Variants in CNBD1 observed in about 807,000 individuals in gnomAD.
The protein encoded by CNBD1 is cyclic nucleotide binding domain containing 1.
In CNBD1, 71 loss-of-function variants were observed where a neutral mutation model predicts 54.4. The observed-to-expected ratio is 1.30, with a 90% CI of 1.08 to 1.59. The LOEUF (loss-of-function observed/expected upper bound fraction) is 1.59. Among genes scored for constraint, CNBD1 ranks in the 40% most tolerant of loss-of-function variants. The pLI is 0.00. For missense variants in CNBD1, 659 were observed against 518.0 expected, an observed-to-expected ratio of 1.27 and a Z score of -2.64; for synonymous variants, 182 against 170.7, an observed-to-expected ratio of 1.07 and a Z score of -0.51.
intron 8 of CNBD1, among the ~76,000 whole-genome samples, chr8:87,338,221 G>A (rs1166423069): frequency 6.6e-6 from 1 of 151,968 alleles, no homozygotes; most frequent in Non-Finnish European, 1.5e-5. Context: ...TTATATCATT[G>A]CCATAATGAA....
chr8:87,231,890 A>G (rs1285521161), intron 5 of CNBD1, among the ~76,000 whole-genome samples: 1 of 150,076 alleles, frequency 6.7e-6, no homozygotes, highest in East Asian at 1.9e-4. Context: ...CTATCACCCT[A>G]AAAGTTCTCT....
At chr8:86,880,179 A>C (rs909559767) in intron 1 of CNBD1, among the ~76,000 whole-genome samples, 13 of 151,888 alleles carry the variant, frequency 8.6e-5, no homozygotes, top group Admixed American at 6.6e-5. Context: ...CATGTGAATA[A>C]TACTACTTCA....
At chr8:86,956,426 T>C (rs1807771387) in intron 4 of CNBD1, among the ~76,000 whole-genome samples, 1 of 152,204 alleles carries the variant, frequency 6.6e-6, no homozygotes, top group Non-Finnish European at 1.5e-5. Context: ...TTGGGCAGTA[T>C]GACCATTTTC....
Position 87,312,928 on chromosome 8 carries a change from G to A in CNBD1, c.1042+26257G>A, listed in dbSNP as rs370788033. ...TTGTATTTGCTCCCAGAAAAGTTGG[G>A]CATTTACATGCAGTTAGTATTCAAC... On this transcript the variant is annotated intron_variant, in intron 8 of 10. Transcript: ENST00000518476. Among the ~76,000 whole-genome samples the A allele has an allele frequency of 1.4e-4, 22 of 152,034 alleles. No homozygotes were observed. In the East Asian group the frequency reaches 1.9e-3, roughly 13 times the overall value.
chr8:87,375,411 A>T (rs767362033), intron 10 of CNBD1, among the ~76,000 whole-genome samples: 1 of 151,894 alleles, frequency 6.6e-6, no homozygotes, highest in Non-Finnish European at 1.5e-5. Context: ...TTTGTAAACT[A>T]TGTTAGATAA....
chr8:87,402,854 C>G (rs1208663059), intron 2 of CNBD1, among the ~76,000 whole-genome samples: 1 of 151,992 alleles, frequency 6.6e-6, no homozygotes, highest in South Asian at 2.1e-4. Context: ...CTAATGGAGA[C>G]TATTGCAATA....
At chr8:87,080,414 T>C (rs977002617) in intron 4 of CNBD1, among the ~76,000 whole-genome samples, 1 of 152,088 alleles carries the variant, frequency 6.6e-6, no homozygotes, top group African/African-American at 2.4e-5. Flanking sequence ...AAACCCCGTC[T>C]CTACTAATAA....
chr8:87,388,173 C>T (rs527408609), intron 2 of CNBD1, among the ~76,000 whole-genome samples: 223 of 152,126 alleles, frequency 1.5e-3, no homozygotes, highest in African/African-American at 4.9e-3. Context: ...AATTGACACC[C>T]TAACATCACA....
chr8:87,173,154 A>C (rs1813124110), intron 4 of CNBD1, among the ~76,000 whole-genome samples: 1 of 152,188 alleles, frequency 6.6e-6, no homozygotes, highest in South Asian at 2.1e-4. Context: ...CTATGAAGCA[A>C]AAAGAAAAGT....
chr8:87,024,931 A>G (rs1809600358), intron 4 of CNBD1, among the ~76,000 whole-genome samples: 1 of 152,156 alleles, frequency 6.6e-6, no homozygotes, highest in African/African-American at 2.4e-5. Flanking sequence ...TTTAAAAATA[A>G]CTTTCCTGAG....
intron 6 of CNBD1, among the ~76,000 whole-genome samples, chr8:87,275,234 T>A (rs1455409710): frequency 2.8e-5 from 4 of 141,502 alleles, no homozygotes; most frequent in African/African-American, 8.3e-5. Context: ...TTCTTTTGGC[T>A]TAGGATTCAC....
At chr8:87,413,779 C>A (rs1807790317) in intron 2 of CNBD1, among the ~76,000 whole-genome samples, 1 of 151,270 alleles carries the variant, frequency 6.6e-6, no homozygotes, top group Non-Finnish European at 1.5e-5. Flanking sequence ...AAATGCTCAT[C>A]ATCACTGGCC....
chr8:87,028,236 G>T lies in CNBD1; in HGVS notation c.431+88482G>T, dbSNP rs563627210. ...GGACACACACACCTATCCAGATGCA[G>T]GTGCCAATTTTCAAAGGCAGCTCTT... On this transcript the variant is annotated intron_variant, in intron 4 of 10. Transcript: ENST00000518476. 1.4e-4 allele frequency among the ~76,000 whole-genome samples: 21 copies of T among 152,312 alleles called. No individual in the cohort carries two copies. The South Asian group carries it at 3.7e-3, about 27-fold the overall frequency.
chr8:87,369,835 C>A (rs1263127076), intron 10 of CNBD1, among the ~76,000 whole-genome samples: 1 of 152,002 alleles, frequency 6.6e-6, no homozygotes, highest in Non-Finnish European at 1.5e-5. Context: ...ATTAACTAGT[C>A]ATTTAGCATT....
At chr8:87,301,900 A>T (rs1227779760) in intron 8 of CNBD1, among the ~76,000 whole-genome samples, 7 of 152,176 alleles carry the variant, frequency 4.6e-5, no homozygotes, top group Non-Finnish European at 8.8e-5. Flanking sequence ...GAAATGGATA[A>T]ATTCCTCGAC....
At chr8:87,327,550 G>A (rs552924872) in intron 8 of CNBD1, among the ~76,000 whole-genome samples, 1 of 152,290 alleles carries the variant, frequency 6.6e-6, no homozygotes, top group Admixed American at 6.5e-5. Flanking sequence ...ATATTCGGGT[G>A]GGAGTGACCC....
At chr8:86,943,108 C>T (rs764891310) in intron 4 of CNBD1, among the ~76,000 whole-genome samples, 36 of 150,948 alleles carry the variant, frequency 2.4e-4, no homozygotes, top group East Asian at 7.8e-4. Context: ...GCAGGCTGGG[C>T]GCAGTGGCTC....
intron 4 of CNBD1, among the ~76,000 whole-genome samples, chr8:87,013,065 C>A (rs544706815): frequency 6.6e-6 from 1 of 152,288 alleles, no homozygotes. Flanking sequence ...AATGTGCGGC[C>A]TCAGAGAAGA....
intron 4 of CNBD1, among the ~76,000 whole-genome samples, chr8:87,109,770 C>A (rs1367501438): frequency 6.6e-6 from 1 of 151,876 alleles, no homozygotes; most frequent in African/African-American, 2.4e-5. Flanking sequence ...GATCTCCTGA[C>A]CTTGTGATCT....
Sources: allele counts gnomAD v4.1 joint callset (sites outside exome capture counted in the v4.1 genomes callset), GRCh38; gene constraint gnomAD v4.1.1; transcripts MANE v1.5; gene names NCBI Gene and HGNC (gene_info 2026-07-23, HGNC 2026-07-21).